USP47: variants seen among roughly 807,000 people sequenced by gnomAD.
USP47 encodes the protein ubiquitin carboxyl-terminal hydrolase 47.
A neutral mutation model predicts 165.1 loss-of-function variants in USP47; 35 were observed. The ratio of observed to expected loss-of-function variants is 0.21; its 90% CI spans 0.16 to 0.28. The LOEUF (loss-of-function observed/expected upper bound fraction) is 0.28. Ranked by LOEUF, USP47 falls within the 10% of genes least tolerant of loss-of-function variation. The pLI, the probability that USP47 is intolerant of heterozygous loss-of-function variation, is 1.00. For missense variants in USP47, 1,277 were observed against 1,607.4 expected (o/e 0.79, Z 3.52); for synonymous variants, 531 against 544.5 (o/e 0.98, Z 0.35).
At chr11:11,930,653 A>G (rs771509003) in intron 13 of USP47, 43 bp from the exon 14 acceptor site, 17 of 1,405,458 alleles carry the variant, frequency 1.2e-5, no homozygotes, top group African/African-American at 2.9e-5. Context: ...AATCTTTTTA[A>G]TCTACTTTTT....
chr11:11,895,539 A>T (rs1363837679), intron 4 of USP47, among the ~76,000 whole-genome samples: 1 of 152,230 alleles, frequency 6.6e-6, no homozygotes, highest in Non-Finnish European at 1.5e-5. Flanking sequence ...TCATGATTTT[A>T]ACTTAGGGCT....
intron 1 of USP47, 135 bp downstream of exon 1, chr11:11,842,359 C>A (rs915699944): frequency 2.0e-6 from 2 of 989,482 alleles, no homozygotes; most frequent in African/African-American, 1.7e-5. Context: ...GTGAGGCAGT[C>A]GGGGGTGGAC....
At chr11:11,846,250 T>C (rs562631419) in intron 1 of USP47, among the ~76,000 whole-genome samples, 293 of 152,296 alleles carry the variant, frequency 1.9e-3, no homozygotes, top group Non-Finnish European at 3.5e-3. Flanking sequence ...TGTTATTCTG[T>C]TTTCTTATAA....
intron 1 of USP47, among the ~76,000 whole-genome samples, chr11:11,876,651 C>T (rs1462018786): frequency 6.6e-6 from 1 of 152,198 alleles, no homozygotes; most frequent in Non-Finnish European, 1.5e-5. Context: ...TTTTCTCATA[C>T]ATCAGGCACC....
chr11:11,896,149 G>T (rs991645328), intron 4 of USP47, among the ~76,000 whole-genome samples: 1 of 152,146 alleles, frequency 6.6e-6, no homozygotes, highest in Non-Finnish European at 1.5e-5. Context: ...AAAGATCATA[G>T]AGTCATATGT....
intron 11 of USP47, among the ~76,000 whole-genome samples, chr11:11,928,483 G>C (rs1854418418): frequency 6.6e-6 from 1 of 151,318 alleles, no homozygotes. Flanking sequence ...GAAAGTTATA[G>C]AAGGCTCTAC....
At position 11,961,006 on chromosome 11, in the gene USP47, T is replaced by C. The variant is rs1019229088; in HGVS notation, c.*4831T>C. On this transcript the variant is annotated 3_prime_UTR_variant, in exon 28 of 28. Coordinates refer to ENST00000527733, the MANE Select transcript of USP47 (RefSeq NM_001282659.2). ...GTTCATCATGCAAATAGCTCCTGTG[T>C]CAGAAATGCTTTTTGGCTTCAAATA... Among the ~76,000 whole-genome samples, 3 of 152,132 alleles carry C rather than the reference T, an allele frequency of 2.0e-5. No homozygotes were observed. The highest frequency in any genetic ancestry group is 7.2e-5 in the African/African-American group (3 of 41,432).
chr11:11,876,134 T>A (rs1850402814), intron 1 of USP47, among the ~76,000 whole-genome samples: 1 of 152,250 alleles, frequency 6.6e-6, no homozygotes, highest in African/African-American at 2.4e-5. Context: ...AGATTTTCTT[T>A]GTAGAAAACT....
intron 8 of USP47, among the ~76,000 whole-genome samples, chr11:11,906,333 T>A (rs1173906328): frequency 6.6e-6 from 1 of 152,148 alleles, no homozygotes; most frequent in African/African-American, 2.4e-5. Flanking sequence ...CTTTAAACAA[T>A]AGAATTTCAT....
At chr11:11,850,295 C>T (rs995851556) in intron 1 of USP47, among the ~76,000 whole-genome samples, 1 of 149,118 alleles carries the variant, frequency 6.7e-6, no homozygotes, top group Non-Finnish European at 1.5e-5. Context: ...ATCTATTTTC[C>T]ATTTCTTTAC....
rs138862746 is a variant in USP47, at chr11:11,882,508, T to C, written c.244-1959T>C. Among the ~76,000 whole-genome samples the C allele has an allele frequency of 7.5e-3, 1,143 of 152,278 alleles. 18 individuals carry two copies. Among genetic ancestry groups the C allele is most frequent in the African/African-American group, 0.026 (1,097 of 41,550 alleles). Reference sequence around the variant, plus strand: ...GTAAAATTGGTAGTCGGACAAGACATAGAAAGATAAACAATATTTAATCTG... The same window carrying C: ...GTAAAATTGGTAGTCGGACAAGACACAGAAAGATAAACAATATTTAATCTG... On this transcript the variant is annotated intron_variant, in intron 2 of 27. Coordinates refer to ENST00000527733, the MANE Select transcript of USP47 (RefSeq NM_001282659.2).
At chr11:11,941,915 G>C (rs1312004948) in intron 19 of USP47, among the ~76,000 whole-genome samples, 1 of 151,978 alleles carries the variant, frequency 6.6e-6, no homozygotes, top group Non-Finnish European at 1.5e-5. Flanking sequence ...GGATTTTGGT[G>C]TTATATTCAC....
rs200808726 is a variant in USP47, at chr11:11,850,042, TAGAG to T, written c.39+7824_39+7827del. 7.5e-3 allele frequency among the ~76,000 whole-genome samples: 1,141 copies of T among 152,248 alleles called. 16 individuals carry two copies. The highest frequency in any genetic ancestry group is 0.026 in the African/African-American group (1,093 of 41,568). On this transcript the variant is annotated intron_variant, in intron 1 of 27. Coordinates refer to ENST00000527733, the MANE Select transcript of USP47 (RefSeq NM_001282659.2). ...ACTTTCTTTTTTTCTCTTTGCGAGCTAGAGAGAGAATCTTTGTCCCCAGAGTTCT... is the reference window on the plus strand; with the variant it reads ...ACTTTCTTTTTTTCTCTTTGCGAGCTAGAGAATCTTTGTCCCCAGAGTTCT...
chr11:11,917,092 G>A (rs1488367349), intron 8 of USP47, among the ~76,000 whole-genome samples: 1 of 152,140 alleles, frequency 6.6e-6, no homozygotes, highest in South Asian at 2.1e-4. Context: ...TTTCAAAGCT[G>A]CAGTGAGCCA....
chr11:11,942,193 C>T, intron 19 of USP47, 142 bp from the exon 20 acceptor site: 11 of 991,596 alleles, frequency 1.1e-5, no homozygotes, highest in Non-Finnish European at 1.6e-5. Context: ...GTCTCCAAAA[C>T]AATAGAGTCC....
intron 18 of USP47, among the ~76,000 whole-genome samples, chr11:11,938,913 A>G (rs1182705406): frequency 6.6e-6 from 1 of 151,914 alleles, no homozygotes. Flanking sequence ...ATGTTGGGGT[A>G]AAGCAGATGC....
chr11:11,960,585 C>T lies in USP47; in HGVS notation c.*4410C>T, dbSNP rs1481532131. ...TTTCAGCCAAGGGAATAAAATCTAACCTCTCCTCCCTCAACGGAGTGTCAG... is the reference window on the plus strand; with the variant it reads ...TTTCAGCCAAGGGAATAAAATCTAATCTCTCCTCCCTCAACGGAGTGTCAG... On this transcript the variant is annotated 3_prime_UTR_variant, in exon 28 of 28. Coordinates refer to ENST00000527733, the MANE Select transcript of USP47 (RefSeq NM_001282659.2). 2.0e-5 allele frequency among the ~76,000 whole-genome samples: 3 copies of T among 152,162 alleles called. No individual in the cohort carries two copies. The highest frequency in any genetic ancestry group is 2.9e-5 in the Non-Finnish European group (2 of 68,028).
chr11:11,887,940 G>T (rs1167728592), intron 3 of USP47, among the ~76,000 whole-genome samples: 1 of 152,044 alleles, frequency 6.6e-6, no homozygotes, highest in Non-Finnish European at 1.5e-5. Context: ...CTACAAAATT[G>T]AACAACCTGC....
At chr11:11,929,986 G>T (rs1854536241) in intron 12 of USP47, 58 bp from the exon 13 acceptor site, 1 of 1,320,858 alleles carries the variant, frequency 7.6e-7, no homozygotes, top group Non-Finnish European at 1.1e-6. Flanking sequence ...GTTACATATT[G>T]ACGTTAATGT....
Sources: allele counts gnomAD v4.1 joint callset (sites outside exome capture counted in the v4.1 genomes callset), GRCh38; gene constraint gnomAD v4.1.1; transcripts MANE v1.5; gene names NCBI Gene and HGNC (gene_info 2026-07-23, HGNC 2026-07-21).